Variants in CREB5 observed in about 807,000 individuals in gnomAD.
CREB5 encodes cyclic AMP-responsive element-binding protein 5.
In CREB5, 19 loss-of-function variants were observed where a neutral mutation model predicts 57.1. The ratio of observed to expected loss-of-function variants is 0.33; its 90% CI spans 0.23 to 0.49. The LOEUF is 0.49. Ranked by LOEUF, CREB5 falls within the 20% of genes least tolerant of loss-of-function variation. The probability of loss-of-function intolerance (pLI) is 0.99; values close to 1 mark genes in which losing one functional copy is unlikely to be tolerated. For missense variants in CREB5, 579 were observed against 671.6 expected, an observed-to-expected ratio of 0.86 and a Z score of 1.52; for synonymous variants, 238 against 238.3, an observed-to-expected ratio of 1.00 and a Z score of 0.01.
At chr7:28,571,141 T>A (rs1218981379) in intron 5 of CREB5, among the ~76,000 whole-genome samples, 1 of 152,116 alleles carries the variant, frequency 6.6e-6, no homozygotes, top group Non-Finnish European at 1.5e-5. Flanking sequence ...ACAGGAGGGA[T>A]GATTCACATC....
chr7:28,516,232 GA>G, intron 4 of CREB5, among the ~76,000 whole-genome samples: 1 of 151,878 alleles, frequency 6.6e-6, no homozygotes. Context: ...AAAAAGTAAA[GA>G]AAACAATTGT....
At chr7:28,715,129 C>T (rs1469307334) in intron 5 of CREB5, among the ~76,000 whole-genome samples, 1 of 152,156 alleles carries the variant, frequency 6.6e-6, no homozygotes, top group Non-Finnish European at 1.5e-5. Flanking sequence ...CAGGATTTTA[C>T]TACTTTATAG....
intron 3 of CREB5, among the ~76,000 whole-genome samples, chr7:28,495,676 A>G (rs910620604): frequency 1.3e-5 from 2 of 152,242 alleles, no homozygotes; most frequent in South Asian, 2.1e-4. Context: ...GGATATCACA[A>G]TATAGCATGC....
intron 5 of CREB5, among the ~76,000 whole-genome samples, chr7:28,576,335 A>G (rs1253907418): frequency 6.6e-6 from 1 of 152,252 alleles, no homozygotes; most frequent in Non-Finnish European, 1.5e-5. Context: ...ATTCTTCAAT[A>G]GCTCAGAGAG....
At position 28,724,211 on chromosome 7, in the gene CREB5, C is replaced by T; in HGVS notation, c.592-11C>T. On this transcript the variant is annotated splice_polypyrimidine_tract_variant and intron_variant, in intron 6 of 10. Coordinates refer to ENST00000357727, the MANE Select transcript of CREB5 (RefSeq NM_182898.4). ...TGCAGACTTCTAATTCTTTTCTTTC[C>T]TTTCTCTTAGATGGAGCGACAAATG... The T allele has an allele frequency of 6.2e-7, 1 of 1,608,824 alleles. No individual in the cohort carries two copies. The highest frequency in any genetic ancestry group is 8.5e-7 in the Non-Finnish European group (1 of 1,178,274).
intron 1 of CREB5, among the ~76,000 whole-genome samples, chr7:28,315,872 G>A (rs1785369024): frequency 6.6e-6 from 1 of 152,166 alleles, no homozygotes; most frequent in Non-Finnish European, 1.5e-5. Flanking sequence ...CTGGCTCACT[G>A]GCTGGCTGCC....
intron 7 of CREB5, among the ~76,000 whole-genome samples, chr7:28,754,258 C>T (rs897447814): frequency 2.6e-5 from 4 of 152,214 alleles, no homozygotes; most frequent in African/African-American, 9.6e-5. Flanking sequence ...GCCATTCTCA[C>T]ACCAAAGGCC....
At chr7:28,318,773 A>T (rs139284232) in intron 1 of CREB5, among the ~76,000 whole-genome samples, 3 of 152,360 alleles carry the variant, frequency 2.0e-5, no homozygotes, top group East Asian at 1.9e-4. Flanking sequence ...ATATCATCGT[A>T]AATACAGCAT....
chr7:28,537,223 T>TA (rs1793998895), intron 4 of CREB5, among the ~76,000 whole-genome samples: 2 of 152,220 alleles, frequency 1.3e-5, no homozygotes, highest in African/African-American at 4.8e-5. Context: ...TGTTATGAGA[T>TA]ACATGAGATA....
At chr7:28,708,474 C>T (rs577958037) in intron 5 of CREB5, among the ~76,000 whole-genome samples, 6 of 152,126 alleles carry the variant, frequency 3.9e-5, no homozygotes, top group South Asian at 2.1e-4. Context: ...TGAAAACTGC[C>T]GAAGAGACCC....
At chr7:28,461,900 T>G (rs760513554) in intron 1 of CREB5, among the ~76,000 whole-genome samples, 6 of 152,148 alleles carry the variant, frequency 3.9e-5, no homozygotes, top group Non-Finnish European at 8.8e-5. Flanking sequence ...ATATGTCAGC[T>G]TTATTGAGAT....
At chr7:28,331,848 CAA>C (rs145837781) in intron 1 of CREB5, among the ~76,000 whole-genome samples, 141 of 75,596 alleles carry the variant, frequency 1.9e-3, no homozygotes, top group African/African-American at 3.7e-3. Flanking sequence ...AACTCCATCT[CAA>C]AAAAAAAAAA....
intron 6 of CREB5, among the ~76,000 whole-genome samples, chr7:28,722,873 C>T (rs1803120091): frequency 6.6e-6 from 1 of 152,212 alleles, no homozygotes; most frequent in Non-Finnish European, 1.5e-5. Flanking sequence ...TAGCTAGCAC[C>T]TCTACTAACC....
At chr7:28,622,401 TA>T (rs1797841660) in intron 5 of CREB5, among the ~76,000 whole-genome samples, 2 of 152,038 alleles carry the variant, frequency 1.3e-5, no homozygotes, top group African/African-American at 4.8e-5. Flanking sequence ...ACATGCCCTC[TA>T]TAAGGCAGCT....
intron 5 of CREB5, among the ~76,000 whole-genome samples, chr7:28,676,998 T>C (rs1359403068): frequency 6.6e-6 from 1 of 152,170 alleles, no homozygotes; most frequent in East Asian, 1.9e-4. Context: ...ACACAGATGT[T>C]TTCTTTCCAT....
chr7:28,822,472 C>T lies in CREB5; in HGVS notation c.*3193C>T, dbSNP rs1012534930. On this transcript the variant is annotated 3_prime_UTR_variant, in exon 11 of 11. Transcript: ENST00000357727. Reference sequence around the variant, plus strand: ...TCAGCCAGTTACTGGGTCACCCATCCATGTGTTCATGAATCAATCATCACG... The same window carrying T: ...TCAGCCAGTTACTGGGTCACCCATCTATGTGTTCATGAATCAATCATCACG... 1 of 152,650 alleles carries T rather than the reference C, an allele frequency of 6.6e-6. No individual in the cohort carries two copies. Among genetic ancestry groups the T allele is most frequent in the African/African-American group, 2.4e-5 (1 of 41,428 alleles). 9.5% of individuals were successfully genotyped at this position (152,650 alleles called of 1,614,324 possible).
chr7:28,315,267 C>T (rs762818428), intron 1 of CREB5, among the ~76,000 whole-genome samples: 23 of 152,216 alleles, frequency 1.5e-4, no homozygotes, highest in Non-Finnish European at 3.2e-4. Flanking sequence ...GGCATTCCTA[C>T]TATGTTGCCA....
chr7:28,471,337 C>T (rs747787286), intron 1 of CREB5, among the ~76,000 whole-genome samples: 11 of 152,012 alleles, frequency 7.2e-5, no homozygotes, highest in Non-Finnish European at 1.6e-4. Flanking sequence ...ACTGTTTTTC[C>T]TCCAGTGTAT....
At chr7:28,469,344 G>T (rs979648261) in intron 1 of CREB5, among the ~76,000 whole-genome samples, 1 of 152,150 alleles carries the variant, frequency 6.6e-6, no homozygotes, top group Non-Finnish European at 1.5e-5. Flanking sequence ...TGTGCCCTGG[G>T]GAACAACATA....
Sources: allele counts gnomAD v4.1 joint callset (sites outside exome capture counted in the v4.1 genomes callset), GRCh38; gene constraint gnomAD v4.1.1; transcripts MANE v1.5; gene names NCBI Gene and HGNC (gene_info 2026-07-23, HGNC 2026-07-21).